R3HCC1L: variants seen among roughly 807,000 people sequenced by gnomAD.
R3HCC1L encodes the protein coiled-coil domain-containing protein R3HCC1L.
R3HCC1L carries 51 observed loss-of-function variants against 59.9 expected under a neutral mutation model. That is an observed-to-expected ratio of 0.85 (90% CI 0.68 to 1.07). The LOEUF (loss-of-function observed/expected upper bound fraction) is 1.07, where lower values mean the gene tolerates loss of function less well. R3HCC1L is among the 50% of genes least tolerant of loss of function. R3HCC1L has a pLI of 0.00. For missense variants in R3HCC1L, 965 were observed against 933.0 expected, an observed-to-expected ratio of 1.03 and a Z score of -0.45; for synonymous variants, 322 against 315.2, an observed-to-expected ratio of 1.02 and a Z score of -0.23.
intron 4 of R3HCC1L, among the ~76,000 whole-genome samples, chr10:98,186,749 A>T (rs1219302955): frequency 6.6e-6 from 1 of 152,190 alleles, no homozygotes; most frequent in African/African-American, 2.4e-5. Context: ...CGTGAAGCTT[A>T]TGAAGGCCAT....
chr10:98,180,616 C>T (rs1321934804), intron 4 of R3HCC1L, among the ~76,000 whole-genome samples: 1 of 152,070 alleles, frequency 6.6e-6, no homozygotes, highest in Non-Finnish European at 1.5e-5. Flanking sequence ...CCTGGATATC[C>T]TTGTTAACCT....
At chr10:98,220,550 C>T (rs367623055) in intron 5 of R3HCC1L, among the ~76,000 whole-genome samples, 1,303 of 121,670 alleles carry the variant, frequency 0.011, 33 homozygotes, top group African/African-American at 0.038. Context: ...CACAACAGTC[C>T]CCAGAGTGTG....
intron 1 of R3HCC1L, among the ~76,000 whole-genome samples, chr10:98,150,540 A>T: frequency 6.7e-6 from 1 of 148,776 alleles, no homozygotes; most frequent in Admixed American, 6.7e-5. Context: ...TTCCTGCTAG[A>T]TTGCTGCCTC....
chr10:98,174,144 G>A (rs1848775919), intron 4 of R3HCC1L, among the ~76,000 whole-genome samples: 1 of 152,158 alleles, frequency 6.6e-6, no homozygotes, highest in South Asian at 2.1e-4. Flanking sequence ...AATCTTGGGA[G>A]AATTGGACTA....
chr10:98,244,241 A>G lies in R3HCC1L; in HGVS notation c.*83A>G, dbSNP rs375034314. ...GATAAGATGATCCTTCCAGAGCTCT[A>G]TGTACATGCAGATGTGCATGTTAAA... is the stretch of plus-strand genomic sequence containing the variant. On this transcript the variant is annotated 3_prime_UTR_variant, in exon 10 of 10. Coordinates refer to ENST00000298999, the MANE Select transcript of R3HCC1L (RefSeq NM_001351015.2). 8.6e-5 allele frequency: 113 copies of G among 1,313,860 alleles called. No individual in the cohort carries two copies. The African/African-American group carries it at 1.2e-3, about 14-fold the overall frequency. The allele number at this position is 1,313,860 out of a possible 1,614,324, so 81.4% of individuals were successfully genotyped here.
chr10:98,136,744 C>T (rs916647961), intron 1 of R3HCC1L, among the ~76,000 whole-genome samples: 1 of 151,342 alleles, frequency 6.6e-6, no homozygotes, highest in Non-Finnish European at 1.5e-5. Context: ...GGCTGAGGCG[C>T]GAGAATCGCT....
intron 5 of R3HCC1L, among the ~76,000 whole-genome samples, chr10:98,229,527 CAG>C (rs1402324182): frequency 1.3e-5 from 2 of 152,206 alleles, no homozygotes; most frequent in Admixed American, 6.5e-5. Flanking sequence ...CATCTGCAAA[CAG>C]GGACAATTTG....
intron 5 of R3HCC1L, among the ~76,000 whole-genome samples, chr10:98,226,575 A>G (rs1367214509): frequency 6.6e-6 from 1 of 152,230 alleles, no homozygotes; most frequent in Non-Finnish European, 1.5e-5. Context: ...TTCTCTGGAA[A>G]TGCAAAGTGC....
chr10:98,225,024 T>G (rs889670024), intron 5 of R3HCC1L, among the ~76,000 whole-genome samples: 3 of 152,244 alleles, frequency 2.0e-5, no homozygotes, highest in African/African-American at 7.2e-5. Flanking sequence ...AAATACCATT[T>G]CAACATGTAA....
At chr10:98,193,078 C>CT (rs1851035689) in intron 4 of R3HCC1L, among the ~76,000 whole-genome samples, 1 of 144,840 alleles carries the variant, frequency 6.9e-6, no homozygotes, top group Non-Finnish European at 1.5e-5. Flanking sequence ...AACATAATAC[C>CT]TTTTTATGAT....
chr10:98,153,963 A>G (rs1303465098), intron 1 of R3HCC1L, among the ~76,000 whole-genome samples: 1 of 152,152 alleles, frequency 6.6e-6, no homozygotes, highest in Non-Finnish European at 1.5e-5. Flanking sequence ...ATACATTGCA[A>G]TCATCAGAAG....
intron 1 of R3HCC1L, among the ~76,000 whole-genome samples, chr10:98,151,093 T>A (rs1229722025): frequency 1.3e-5 from 2 of 152,204 alleles, no homozygotes; most frequent in African/African-American, 2.4e-5. Flanking sequence ...GCCCTGAAAC[T>A]GTCTCCTCCT....
intron 5 of R3HCC1L, among the ~76,000 whole-genome samples, chr10:98,221,925 A>G (rs529991660): frequency 2.0e-5 from 3 of 152,162 alleles, no homozygotes; most frequent in Admixed American, 1.3e-4. Flanking sequence ...GAAAGGCATT[A>G]GTAGCTTGAT....
intron 1 of R3HCC1L, among the ~76,000 whole-genome samples, chr10:98,152,212 C>T (rs911208188): frequency 6.6e-6 from 1 of 152,246 alleles, no homozygotes; most frequent in Non-Finnish European, 1.5e-5. Context: ...GCCTCGGCCT[C>T]CCGAGGTGCC....
rs532790805 is a variant in R3HCC1L, at chr10:98,221,892, G to A, written c.1786-9620G>A. Reference sequence around the variant, plus strand: ...TTTTTGGTTCCATATGAACTTTAAAGTAGTTTTTTCCAATTCTGTGAAGAA... The same window carrying A: ...TTTTTGGTTCCATATGAACTTTAAAATAGTTTTTTCCAATTCTGTGAAGAA... On this transcript the variant is annotated intron_variant, in intron 5 of 9. Coordinates refer to ENST00000298999, the MANE Select transcript of R3HCC1L (RefSeq NM_001351015.2). Among the ~76,000 whole-genome samples the A allele has an allele frequency of 2.3e-3, 352 of 152,302 alleles. 2 individuals carry two copies. Among genetic ancestry groups the A allele is most frequent in the African/African-American group, 8.0e-3 (332 of 41,562 alleles).
At chr10:98,215,682 A>G (rs892729186) in intron 5 of R3HCC1L, among the ~76,000 whole-genome samples, 2 of 151,438 alleles carry the variant, frequency 1.3e-5, no homozygotes, top group Admixed American at 6.6e-5. Flanking sequence ...TGATATTTAG[A>G]ATTTTCCTCC....
At chr10:98,208,057 C>A in intron 4 of R3HCC1L, 44 bp from the exon 5 acceptor site, 1 of 1,508,538 alleles carries the variant, frequency 6.6e-7, no homozygotes, top group South Asian at 1.3e-5. Flanking sequence ...TGGTTCAATA[C>A]ATTGTAATTA....
chr10:98,229,177 G>A (rs1007175221), intron 5 of R3HCC1L, among the ~76,000 whole-genome samples: 3 of 152,028 alleles, frequency 2.0e-5, no homozygotes, highest in Middle Eastern at 3.2e-3. Flanking sequence ...ACCTTGGGCA[G>A]TATGGCCATT....
chr10:98,201,693 A>AG (rs958411773), intron 4 of R3HCC1L, among the ~76,000 whole-genome samples: 20 of 152,306 alleles, frequency 1.3e-4, no homozygotes, highest in African/African-American at 4.6e-4. Context: ...AAGCAGAATG[A>AG]GACACATGTT....
Sources: allele counts gnomAD v4.1 joint callset (sites outside exome capture counted in the v4.1 genomes callset), GRCh38; gene constraint gnomAD v4.1.1; transcripts MANE v1.5; gene names NCBI Gene and HGNC (gene_info 2026-07-23, HGNC 2026-07-21).